Variants in CACNG3 observed in about 807,000 individuals in gnomAD.
CACNG3 encodes the protein calcium voltage-gated channel auxiliary subunit gamma 3, also known as voltage-dependent calcium channel gamma-3 subunit.
CACNG3 carries 3 observed loss-of-function variants against 28.5 expected under a neutral mutation model. The observed-to-expected ratio is 0.11, with a 90% confidence interval of 0.05 to 0.27. CACNG3 has a LOEUF of 0.27. Among genes scored for constraint, CACNG3 ranks in the 10% least tolerant of loss-of-function variants. The pLI, the probability that CACNG3 is intolerant of heterozygous loss-of-function variation, is 1.00. For missense variants in CACNG3, 236 were observed against 414.4 expected (o/e 0.57, Z 3.74); for synonymous variants, 174 against 162.2 (o/e 1.07, Z -0.55).
chr16:24,316,962 C>T (rs1277361746), intron 1 of CACNG3, among the ~76,000 whole-genome samples: 1 of 152,106 alleles, frequency 6.6e-6, no homozygotes, highest in Non-Finnish European at 1.5e-5. Context: ...GATTAGAATG[C>T]ACAGCGAATC....
chr16:24,306,051 G>A (rs1204001359), intron 1 of CACNG3, among the ~76,000 whole-genome samples: 3 of 152,210 alleles, frequency 2.0e-5, no homozygotes, highest in Admixed American at 2.0e-4. Context: ...GCAATTGACA[G>A]GCACTTTTAC....
At chr16:24,300,841 C>T (rs2141359989) in intron 1 of CACNG3, among the ~76,000 whole-genome samples, 1 of 152,140 alleles carries the variant, frequency 6.6e-6, no homozygotes, top group African/African-American at 2.4e-5. Context: ...ATCACAAGGT[C>T]AGGAGTTTGA....
At chr16:24,353,576 C>G (rs986711580) in intron 2 of CACNG3, among the ~76,000 whole-genome samples, 1 of 152,148 alleles carries the variant, frequency 6.6e-6, no homozygotes, top group Non-Finnish European at 1.5e-5. Context: ...GACTCTGCTT[C>G]GACTCCTCAG....
At chr16:24,337,146 G>A (rs1451989756) in intron 1 of CACNG3, among the ~76,000 whole-genome samples, 1 of 152,136 alleles carries the variant, frequency 6.6e-6, no homozygotes, top group Non-Finnish European at 1.5e-5. Flanking sequence ...AATCTTGAGA[G>A]GACGTGAGCA....
At chr16:24,295,362 G>A (rs1029441009) in intron 1 of CACNG3, among the ~76,000 whole-genome samples, 1 of 152,108 alleles carries the variant, frequency 6.6e-6, no homozygotes, top group Non-Finnish European at 1.5e-5. Flanking sequence ...TTCTCAACTT[G>A]CTACTCCTGG....
At chr16:24,300,919 C>T (rs1385211860) in intron 1 of CACNG3, among the ~76,000 whole-genome samples, 1 of 151,894 alleles carries the variant, frequency 6.6e-6, no homozygotes, top group East Asian at 1.9e-4. Context: ...TGTGGTGGCA[C>T]ACACTTGTGG....
At position 24,317,468 on chromosome 16, in the gene CACNG3, G is replaced by A. The variant is rs183976347; in HGVS notation, c.212-29266G>A. ...GAGGCACGAGAATTGCTTGAGCCCA[G>A]AAGGCAGAGGTTGCAGAGAGCTGAA... On this transcript the variant is annotated intron_variant, in intron 1 of 3. Transcript: ENST00000005284. 2.3e-3 allele frequency among the ~76,000 whole-genome samples: 352 copies of A among 150,702 alleles called. 3 individuals are homozygous for A. The highest frequency in any genetic ancestry group is 0.021 in the Middle Eastern group (6 of 292).
intron 1 of CACNG3, among the ~76,000 whole-genome samples, chr16:24,275,928 G>C (rs961575530): frequency 6.6e-6 from 1 of 152,184 alleles, no homozygotes; most frequent in African/African-American, 2.4e-5. Context: ...TCATGTAGTA[G>C]AGCATGAAAA....
intron 2 of CACNG3, among the ~76,000 whole-genome samples, chr16:24,351,751 GGA>G (rs1184007724): frequency 6.0e-5 from 4 of 66,282 alleles, no homozygotes; most frequent in African/African-American, 1.1e-4. Context: ...AAGGAAGGAA[GGA>G]AGGAAGAGAG....
intron 2 of CACNG3, among the ~76,000 whole-genome samples, chr16:24,351,064 A>G (rs887375632): frequency 6.6e-6 from 1 of 152,228 alleles, no homozygotes; most frequent in Non-Finnish European, 1.5e-5. Flanking sequence ...AAGCCTGCAT[A>G]ATAGAACTGC....
chr16:24,292,845 A>T (rs976357361), intron 1 of CACNG3, among the ~76,000 whole-genome samples: 13 of 152,248 alleles, frequency 8.5e-5, no homozygotes, highest in Non-Finnish European at 2.9e-5. Flanking sequence ...AATGACATGG[A>T]TTAGGGAAAA....
chr16:24,328,116 A>G (rs754302960), intron 1 of CACNG3, among the ~76,000 whole-genome samples: 6 of 152,146 alleles, frequency 3.9e-5, no homozygotes, highest in African/African-American at 7.2e-5. Context: ...AAACAGACAC[A>G]TCATTAAACT....
chr16:24,273,081 G>C (rs1898710221), intron 1 of CACNG3, among the ~76,000 whole-genome samples: 1 of 152,018 alleles, frequency 6.6e-6, no homozygotes, highest in Non-Finnish European at 1.5e-5. Flanking sequence ...CCACTTATCA[G>C]TGACAACATA....
At chr16:24,288,872 AACAC>A (rs143449429) in intron 1 of CACNG3, among the ~76,000 whole-genome samples, 53 of 148,744 alleles carry the variant, frequency 3.6e-4, no homozygotes, top group Middle Eastern at 3.5e-3. Context: ...GTGACACATA[AACAC>A]ACACACACAC....
chr16:24,314,312 G>A (rs183923419), intron 1 of CACNG3, among the ~76,000 whole-genome samples: 2 of 152,148 alleles, frequency 1.3e-5, no homozygotes, highest in African/African-American at 2.4e-5. Context: ...AGCCAGAGAC[G>A]CTTCTCAGTG....
intron 1 of CACNG3, among the ~76,000 whole-genome samples, chr16:24,305,246 G>A (rs1030299792): frequency 1.3e-5 from 2 of 150,856 alleles, no homozygotes; most frequent in Non-Finnish European, 2.9e-5. Flanking sequence ...CCTTCTGCTC[G>A]GTTTTTCTGT....
intron 1 of CACNG3, among the ~76,000 whole-genome samples, chr16:24,332,093 T>G (rs1481686908): frequency 2.0e-5 from 3 of 152,228 alleles, no homozygotes; most frequent in Admixed American, 6.5e-5. Context: ...TTTTGTTCAC[T>G]GATAAATTTC....
chr16:24,328,458 C>A (rs1297113644), intron 1 of CACNG3, among the ~76,000 whole-genome samples: 1 of 150,118 alleles, frequency 6.7e-6, no homozygotes, highest in Non-Finnish European at 1.5e-5. Context: ...GCCCAAGATA[C>A]CTGCAGACAT....
At chr16:24,289,560 C>CA (rs1009015645) in intron 1 of CACNG3, among the ~76,000 whole-genome samples, 1 of 152,212 alleles carries the variant, frequency 6.6e-6, no homozygotes, top group Admixed American at 6.5e-5. Flanking sequence ...GCCATCAACA[C>CA]AATGGGTGGC....
Sources: allele counts gnomAD v4.1 joint callset (sites outside exome capture counted in the v4.1 genomes callset), GRCh38; gene constraint gnomAD v4.1.1; transcripts MANE v1.5; gene names NCBI Gene and HGNC (gene_info 2026-07-23, HGNC 2026-07-21).